The following YPEL1 variants were observed in gnomAD, a reference collection of about 807,000 sequenced individuals.
The protein encoded by YPEL1 is yippee like 1, also known as protein yippee-like 1.
In YPEL1, 7 loss-of-function variants were observed where a neutral mutation model predicts 17.3. The ratio of observed to expected loss-of-function variants is 0.40; its 90% confidence interval spans 0.23 to 0.76. YPEL1 has a LOEUF of 0.76. Among genes scored for constraint, YPEL1 ranks in the 30% least tolerant of loss-of-function variants. The pLI is 0.35. For missense variants in YPEL1, 91 were observed against 155.5 expected, an observed-to-expected ratio of 0.59 and a Z score of 2.21; for synonymous variants, 59 against 59.6, an observed-to-expected ratio of 0.99 and a Z score of 0.05.
chr22:21,725,931 C>T (rs565796172), intron 1 of YPEL1, among the ~76,000 whole-genome samples: 1 of 152,024 alleles, frequency 6.6e-6, no homozygotes. Flanking sequence ...CCGGGGAGGT[C>T]GAGGCTATGG....
intron 1 of YPEL1, among the ~76,000 whole-genome samples, chr22:21,731,854 AC>A (rs1300775837): frequency 5.9e-5 from 9 of 152,198 alleles, no homozygotes; most frequent in Admixed American, 5.2e-4. Context: ...AGTCAGAGTC[AC>A]ATGAGATGTT....
chr22:21,699,896 G>C lies in YPEL1; in HGVS notation c.*1233C>G, dbSNP rs2068047605. ...AACCCCTGGTACCAGACCCTGTGAG[G>C]CTGTCACCTCAGTAAGGGCACCTCT... On this transcript the variant is annotated 3_prime_UTR_variant, in exon 5 of 5. Transcript: ENST00000339468. 6.6e-6 allele frequency: 1 copy of C among 152,568 alleles called. No homozygotes were observed. The highest frequency in any genetic ancestry group is 2.4e-5 in the African/African-American group (1 of 41,552). 9.5% of individuals were successfully genotyped at this position (152,568 alleles called of 1,614,324 possible).
intron 1 of YPEL1, among the ~76,000 whole-genome samples, chr22:21,720,957 C>CA (rs2068276043): frequency 6.7e-6 from 1 of 150,278 alleles, no homozygotes; most frequent in Non-Finnish European, 1.5e-5. Flanking sequence ...TACAGGTGCA[C>CA]ACCACCACAC....
Position 21,703,489 on chromosome 22 carries a change from A to G in YPEL1, c.162-11T>C. 6.2e-7 allele frequency: 1 copy of G among 1,604,818 alleles called. No individual in the cohort carries two copies. The highest frequency in any genetic ancestry group is 1.1e-5 in the South Asian group (1 of 91,038). Reference sequence around the variant, plus strand: ...CAGCCCACGTTCACCCTGCGGGGACAGAGGGGCCACTGCGCTGCAGGCCCG... The same window carrying G: ...CAGCCCACGTTCACCCTGCGGGGACGGAGGGGCCACTGCGCTGCAGGCCCG... On this transcript the variant is annotated splice_polypyrimidine_tract_variant and intron_variant, in intron 3 of 4. Transcript: ENST00000339468. This position sits in a 1 kb window ranked among gnomAD's most constrained non-coding sequence, Gnocchi z 6.1.
chr22:21,720,808 A>AT (rs1425571881), intron 1 of YPEL1, among the ~76,000 whole-genome samples: 21 of 120,110 alleles, frequency 1.7e-4, no homozygotes, highest in African/African-American at 3.8e-4. Context: ...TGCCTGGCCG[A>AT]TTTTGTTTTT....
At chr22:21,701,684 G>C (rs2068067649) in intron 4 of YPEL1, among the ~76,000 whole-genome samples, 1 of 152,198 alleles carries the variant, frequency 6.6e-6, no homozygotes, top group African/African-American at 2.4e-5. Flanking sequence ...GAGGCTTGAA[G>C]AGATGCAAAA....
At chr22:21,731,480 C>G (rs2148616160) in intron 1 of YPEL1, among the ~76,000 whole-genome samples, 1 of 148,594 alleles carries the variant, frequency 6.7e-6, no homozygotes, top group South Asian at 2.1e-4. Flanking sequence ...TATTTACCCT[C>G]ATGCTAAATA....
intron 1 of YPEL1, among the ~76,000 whole-genome samples, chr22:21,735,115 C>T (rs986217147): frequency 2.0e-5 from 3 of 152,132 alleles, no homozygotes; most frequent in Non-Finnish European, 4.4e-5. Context: ...CAGGCTTTTG[C>T]AATCTCTGTT....
In YPEL1 at chr22:21,699,115, G is replaced by A. The variant is rs1461831945; in HGVS notation, c.*2014C>T. ...CAAAGGCATGCTGTGTGTGGGCAGT[G>A]AGCTCGAGTGGGCACAGCCCAGTGC... is the stretch of plus-strand genomic sequence containing the variant. On this transcript the variant is annotated 3_prime_UTR_variant, in exon 5 of 5. Transcript: ENST00000339468. The A allele has an allele frequency of 6.6e-6, 1 of 152,466 alleles. No homozygotes were observed. The highest frequency in any genetic ancestry group is 1.5e-5 in the Non-Finnish European group (1 of 68,098). The allele number at this position is 152,466 out of a possible 1,614,324, so 9.4% of individuals were successfully genotyped here. A position where few individuals can be genotyped will look rare whatever the true frequency, so the allele number is the denominator to read the frequency against.
At chr22:21,724,846 C>A (rs930567238) in intron 1 of YPEL1, among the ~76,000 whole-genome samples, 10 of 151,900 alleles carry the variant, frequency 6.6e-5, no homozygotes, top group African/African-American at 2.4e-4. Flanking sequence ...TCCCAAAGTG[C>A]TGGGATTAGA....
chr22:21,734,537 G>C (rs2148617865), intron 1 of YPEL1, among the ~76,000 whole-genome samples: 1 of 152,254 alleles, frequency 6.6e-6, no homozygotes, highest in Non-Finnish European at 1.5e-5. Context: ...GGCCCAACCC[G>C]TAGGGGTTCC....
intron 2 of YPEL1, 119 bp from the exon 3 acceptor site, chr22:21,704,001 G>A: frequency 8.9e-7 from 1 of 1,117,838 alleles, no homozygotes; most frequent in Non-Finnish European, 1.3e-6. Flanking sequence ...GCGTCACCGG[G>A]AGCAGACACC....
rs142792439 is a variant in YPEL1, at chr22:21,721,805, ACAG to A, written c.-164-10900_-164-10898del. Among the ~76,000 whole-genome samples, 811 of 152,086 alleles carry A rather than the reference ACAG, an allele frequency of 5.3e-3. 5 individuals carry two copies. Among genetic ancestry groups the A allele is most frequent in the African/African-American group, 0.018 (753 of 41,482 alleles). On this transcript the variant is annotated intron_variant, in intron 1 of 4. Transcript: ENST00000339468. The stretch of plus-strand genomic sequence containing the variant: ...ACATTGTAGACTCTCGGTACAATGG[ACAG>A]CAGATCTCTAGGGCTCGTTCATCTT...
At position 21,704,088 on chromosome 22, in the gene YPEL1, G is replaced by A. The variant is rs140958846; in HGVS notation, c.118-206C>T. 6,785 of 722,660 alleles carry A rather than the reference G, an allele frequency of 9.4e-3. 111 individuals carry two copies. The highest frequency in any genetic ancestry group is 0.057 in the Admixed American group (2,851 of 50,024). The allele number at this position is 722,660 out of a possible 1,614,324, so 44.8% of individuals were successfully genotyped here. A position where few individuals can be genotyped will look rare whatever the true frequency, so the allele number is the denominator to read the frequency against. ...GCAAGCTGTTTTTCATTGTAGACAG[G>A]AGTGGCTGATTCTGCTGCGTCAACA... On this transcript the variant is annotated intron_variant, in intron 2 of 4. Coordinates refer to ENST00000339468, the MANE Select transcript of YPEL1 (RefSeq NM_013313.5).
In YPEL1 at chr22:21,698,076, A is replaced by AAAT. The variant is rs1442508410; in HGVS notation, c.*3050_*3052dup. On this transcript the variant is annotated 3_prime_UTR_variant, in exon 5 of 5. Transcript: ENST00000339468. ...AAGGCTCTCAAGGAAGATTTATTTT[A>AAAT]AATAACTTAAATAGAAGTCCTAGAT... 2 of 152,290 alleles carry AAAT rather than the reference A, an allele frequency of 1.3e-5. No homozygotes were observed. The highest frequency in any genetic ancestry group is 4.8e-5 in the African/African-American group (2 of 41,414). 9.4% of individuals were successfully genotyped at this position (152,290 alleles called of 1,614,324 possible).
chr22:21,714,215 T>C (rs2068199307), intron 1 of YPEL1, among the ~76,000 whole-genome samples: 2 of 152,220 alleles, frequency 1.3e-5, no homozygotes, highest in South Asian at 4.1e-4. Context: ...GCAGCGTTTG[T>C]AATCGTGTGA....
chr22:21,731,780 T>C (rs2068389613), intron 1 of YPEL1, among the ~76,000 whole-genome samples: 1 of 152,244 alleles, frequency 6.6e-6, no homozygotes, highest in Admixed American at 6.5e-5. Context: ...TTGTTGGCTC[T>C]GGGACCTGAA....
chr22:21,721,417 C>CTTT (rs1413173206), intron 1 of YPEL1, among the ~76,000 whole-genome samples: 35 of 41,184 alleles, frequency 8.5e-4, no homozygotes, highest in African/African-American at 2.6e-3. Flanking sequence ...CATGCCCAGC[C>CTTT]TTTTTTTCTT....
At chr22:21,727,983 G>T (rs1478087728) in intron 1 of YPEL1, among the ~76,000 whole-genome samples, 1 of 152,232 alleles carries the variant, frequency 6.6e-6, no homozygotes, top group African/African-American at 2.4e-5. Flanking sequence ...AGCTGGAGGA[G>T]AACTGGGGCG....
Sources: gnomAD v4.1 joint callset for allele counts (sites outside exome capture counted in the v4.1 genomes callset) on GRCh38, gnomAD v4.1.1 for gene constraint, Gnocchi (gnomAD v3.1) non-coding constraint, MANE v1.5 for transcripts, NCBI Gene and HGNC (gene_info 2026-07-23, HGNC 2026-07-21) for gene names.